The following MAPT variants were observed in gnomAD, a reference collection of about 807,000 sequenced individuals.
MAPT encodes the protein microtubule associated protein tau, also known as microtubule-associated protein tau.
MAPT carries 34 observed loss-of-function variants against 67.9 expected under a neutral mutation model. The ratio of observed to expected loss-of-function variants is 0.50; its 90% CI spans 0.38 to 0.67. MAPT has a LOEUF of 0.67. Ranked by LOEUF, MAPT falls within the 30% of genes least tolerant of loss-of-function variation. MAPT has a pLI of 0.00. For synonymous variants in MAPT, 456 were observed against 464.5 expected, an observed-to-expected ratio of 0.98 and a Z score of 0.23; for missense variants, 881 against 1,115.2, an observed-to-expected ratio of 0.79 and a Z score of 2.99.
At chr17:45,919,685 T>C (rs1191533898) in intron 1 of MAPT, among the ~76,000 whole-genome samples, 5 of 152,186 alleles carry the variant, frequency 3.3e-5, no homozygotes, top group African/African-American at 1.2e-4. Context: ...AGGCAGAGGA[T>C]CACTTGAGCC....
intron 1 of MAPT, among the ~76,000 whole-genome samples, chr17:45,955,659 T>C (rs2069558083): frequency 6.6e-6 from 1 of 151,972 alleles, no homozygotes; most frequent in African/African-American, 2.4e-5. Context: ...ATGGGCGTGC[T>C]GGGAGCCACC....
chr17:46,017,777 G>A (rs1363311658), intron 11 of MAPT, among the ~76,000 whole-genome samples: 4 of 150,030 alleles, frequency 2.7e-5, no homozygotes, highest in Non-Finnish European at 5.9e-5. Flanking sequence ...TTCTTATTTA[G>A]TGTGCATTTT....
chr17:45,978,448 A>G lies in MAPT; in HGVS notation c.286+8A>G. On this transcript the variant is annotated splice_region_variant and intron_variant, in intron 4 of 12. Transcript: ENST00000262410. ...CTGGTCACGTGACCCAAGGTCAGTG[A>G]ACTGGAATTGCCTGCCATGACTTGG... is the stretch of plus-strand genomic sequence containing the variant. 2 of 1,612,792 alleles carry G rather than the reference A, an allele frequency of 1.2e-6. No individual in the cohort carries two copies. Among genetic ancestry groups the G allele is most frequent in the South Asian group, 1.1e-5 (1 of 91,058 alleles).
At position 45,933,864 on chromosome 17, in the gene MAPT, T is replaced by TAA. The variant is rs1398462616; in HGVS notation, c.-17-28456_-17-28455insAA. On this transcript the variant is annotated intron_variant, in intron 1 of 12. Coordinates refer to ENST00000262410, the MANE Select transcript of MAPT (RefSeq NM_001377265.1). ...GATTTTTTTTTTTTTTTTTTGCTGTTACATTTACTTTTAAAAAATAACAAG... is the reference window on the plus strand; with the variant it reads ...GATTTTTTTTTTTTTTTTTTGCTGTTAAACATTTACTTTTAAAAAATAACAAG... 2.0e-5 allele frequency among the ~76,000 whole-genome samples: 3 copies of TAA among 151,344 alleles called. No individual in the cohort carries two copies. In the East Asian group the frequency reaches 5.8e-4, roughly 29 times the overall value.
intron 1 of MAPT, among the ~76,000 whole-genome samples, chr17:45,921,537 T>C (rs1448276783): frequency 6.6e-6 from 1 of 152,186 alleles, no homozygotes; most frequent in East Asian, 1.9e-4. Flanking sequence ...TCGAGCATCA[T>C]GTCACCCGGT....
chr17:45,961,220 A>G (rs1162179952), intron 1 of MAPT, among the ~76,000 whole-genome samples: 3 of 152,244 alleles, frequency 2.0e-5, no homozygotes, highest in Non-Finnish European at 4.4e-5. Context: ...TTTTAAAATA[A>G]TAATAATTTA....
chr17:46,005,063 C>T (rs530111091), intron 9 of MAPT, among the ~76,000 whole-genome samples: 3 of 152,296 alleles, frequency 2.0e-5, no homozygotes, highest in East Asian at 1.9e-4. Context: ...AGATTACAGG[C>T]GTGAGCCACC....
intron 1 of MAPT, among the ~76,000 whole-genome samples, chr17:45,942,095 G>A (rs1003081412): frequency 6.6e-6 from 1 of 152,114 alleles, no homozygotes; most frequent in African/African-American, 2.4e-5. Flanking sequence ...ACAGTATAAT[G>A]AGACAAAAAT....
intron 1 of MAPT, among the ~76,000 whole-genome samples, chr17:45,944,660 C>T (rs866632339): frequency 2.0e-5 from 3 of 152,308 alleles, no homozygotes; most frequent in Middle Eastern, 3.4e-3. Flanking sequence ...TCGTTCGCAG[C>T]GTACATTCAG....
intron 1 of MAPT, among the ~76,000 whole-genome samples, chr17:45,916,141 G>A (rs1185161681): frequency 1.3e-5 from 2 of 152,126 alleles, no homozygotes; most frequent in Non-Finnish European, 1.5e-5. Flanking sequence ...CGCAGCCCCA[G>A]GGCCCTGCTC....
intron 1 of MAPT, 98 bp from the exon 2 acceptor site, chr17:45,962,223 G>A (rs2070508514): frequency 9.9e-7 from 1 of 1,008,120 alleles, no homozygotes; most frequent in East Asian, 2.6e-5. Flanking sequence ...GCTGAGATCT[G>A]CCTGCCATGA....
intron 1 of MAPT, among the ~76,000 whole-genome samples, chr17:45,933,588 G>C (rs569319998): frequency 1.4e-4 from 21 of 151,232 alleles, no homozygotes; most frequent in African/African-American, 5.1e-4. Flanking sequence ...TACTTGTCCT[G>C]AGGCAGCTGC....
intron 12 of MAPT, 48 bp from the exon 13 acceptor site, chr17:46,023,908 C>T: frequency 6.5e-7 from 1 of 1,546,328 alleles, no homozygotes; most frequent in South Asian, 1.1e-5. Flanking sequence ...CAGGGCTGGT[C>T]TTTCTCTGGC....
At chr17:45,988,710 C>T (rs947947255) in intron 6 of MAPT, among the ~76,000 whole-genome samples, 5 of 151,960 alleles carry the variant, frequency 3.3e-5, no homozygotes, top group Non-Finnish European at 5.9e-5. Flanking sequence ...AGGATGTCCC[C>T]AGCCCAAGAG....
chr17:45,972,059 C>A, intron 3 of MAPT, 114 bp downstream of exon 3: 1 of 788,510 alleles, frequency 1.3e-6, no homozygotes. Context: ...GTGCTCACTC[C>A]TTCGGTGCTT....
chr17:46,023,887 A>C (rs1435940080), intron 12 of MAPT, 69 bp from the exon 13 acceptor site: 27 of 1,337,414 alleles, frequency 2.0e-5, no homozygotes, highest in Middle Eastern at 1.8e-4. Flanking sequence ...CAGGCCTGGC[A>C]GGGCAGTTGG....
chr17:45,915,294 C>G lies in MAPT; in HGVS notation c.-18+20608C>G, dbSNP rs2065107995. ...TATGTGTGTGGTGTGGGGGTGTGTG[C>G]TGTGTGAGCGTGTGTGAGTCTGTGT... On this transcript the variant is annotated intron_variant, in intron 1 of 12. Transcript: ENST00000262410. This position sits in a 1 kb window ranked among gnomAD's most constrained non-coding sequence, Gnocchi z 4.4. Among the ~76,000 whole-genome samples the G allele has an allele frequency of 6.8e-6, 1 of 147,052 alleles. No homozygotes were observed. The highest frequency in any genetic ancestry group is 2.5e-5 in the African/African-American group (1 of 39,614).
At chr17:45,895,549 C>T (rs3744457) in intron 1 of MAPT, 96,668 of 152,276 alleles carry the variant, frequency 0.63, 30,976 homozygotes, top group Middle Eastern at 0.72. Flanking sequence ...GCCGCAGCCA[C>T]GCACGGATGG....
Position 45,956,578 on chromosome 17 carries a change from ATATATATATATATATATATATATT to A in MAPT, c.-17-5741_-17-5718del, listed in dbSNP as rs1446509678. Among the ~76,000 whole-genome samples, 26 of 2,904 alleles carry A rather than the reference ATATATATATATATATATATATATT, an allele frequency of 9.0e-3. No homozygotes were observed. In the East Asian group the frequency reaches 0.13, roughly 14 times the overall value. 1.9% of individuals were successfully genotyped at this position (2,904 alleles called of 152,430 possible). A position where few individuals can be genotyped will look rare whatever the true frequency, so the allele number is the denominator to read the frequency against. ...TATATATATATATATATATATATAT[ATATATATATATATATATATATATT>A]TTTTATTATTATACTTTAAGTTCTA... On this transcript the variant is annotated intron_variant, in intron 1 of 12. Transcript: ENST00000262410.
Sources: allele counts gnomAD v4.1 joint callset (sites outside exome capture counted in the v4.1 genomes callset), GRCh38; gene constraint gnomAD v4.1.1; non-coding constraint Gnocchi (gnomAD v3.1); transcripts MANE v1.5; gene names NCBI Gene and HGNC (gene_info 2026-07-23, HGNC 2026-07-21).